CADPS2: variants seen among roughly 807,000 people sequenced by gnomAD.
CADPS2 encodes calcium-dependent secretion activator 2.
CADPS2 carries 93 observed loss-of-function variants against 172.5 expected under a neutral mutation model. The ratio of observed to expected loss-of-function variants is 0.54; its 90% CI spans 0.46 to 0.64. The LOEUF (loss-of-function observed/expected upper bound fraction) is 0.64, where lower values mean the gene tolerates loss of function less well. Ranked by LOEUF, CADPS2 falls within the 30% of genes least tolerant of loss-of-function variation. The probability of loss-of-function intolerance (pLI) is 0.00; values close to 1 mark genes in which losing one functional copy is unlikely to be tolerated. For synonymous variants in CADPS2, 546 were observed against 555.2 expected, an observed-to-expected ratio of 0.98 and a Z score of 0.23; for missense variants, 1,420 against 1,565.9, an observed-to-expected ratio of 0.91 and a Z score of 1.57.
At chr7:122,823,298 G>C (rs796937297) in intron 1 of CADPS2, among the ~76,000 whole-genome samples, 1 of 152,074 alleles carries the variant, frequency 6.6e-6, no homozygotes, top group South Asian at 2.1e-4. Context: ...TCTTCCTTTT[G>C]CCTTGGTTTC....
chr7:122,719,754 C>A (rs914440150), intron 2 of CADPS2, among the ~76,000 whole-genome samples: 3 of 151,864 alleles, frequency 2.0e-5, no homozygotes, highest in African/African-American at 7.2e-5. Flanking sequence ...AAGCTAAAAT[C>A]TCAGCAGTAT....
Position 122,615,297 on chromosome 7 carries a change from A to G in CADPS2, c.1107T>C (p.Ile369=). Residue 369 remains isoleucine (I), a splice_region_variant and synonymous_variant, in exon 6 of 30, where the codon ATT becomes ATC. Coordinates refer to ENST00000449022, the MANE Select transcript of CADPS2 (RefSeq NM_017954.11). The part of the protein sequence containing the change: ...SDVVLSFTLE[I]VIMEVQGLKS... ...TCAGGCCTTGCACTTCCATTATGACAATCTAAAGATAAAATGATTTTAAAA... is the reference window on the plus strand; with the variant it reads ...TCAGGCCTTGCACTTCCATTATGACGATCTAAAGATAAAATGATTTTAAAA... 6.6e-7 allele frequency: 1 copy of G among 1,522,956 alleles called. No individual in the cohort carries two copies. Among genetic ancestry groups the G allele is most frequent in the Non-Finnish European group, 8.9e-7 (1 of 1,123,446 alleles). The allele number at this position is 1,522,956 out of a possible 1,614,324, so 94.3% of individuals were successfully genotyped here.
At position 122,643,477 on chromosome 7, in the gene CADPS2, A is replaced by G. The variant is rs533044679; in HGVS notation, c.787-14149T>C. ...TGCAGTAATTTCTCAATGCAATGTC[A>G]TACATCAGAACACAGCTGGGCCTCT... On this transcript the variant is annotated intron_variant, in intron 3 of 29. Transcript: ENST00000449022. Among the ~76,000 whole-genome samples, 25 of 152,278 alleles carry G rather than the reference A, an allele frequency of 1.6e-4. No homozygotes were observed. The South Asian group carries it at 5.2e-3, about 32-fold the overall frequency.
chr7:122,368,990 C>T (rs898659403), intron 25 of CADPS2, among the ~76,000 whole-genome samples: 6 of 152,054 alleles, frequency 3.9e-5, no homozygotes, highest in African/African-American at 4.8e-5. Context: ...TCCCACACTT[C>T]GGTTGGTTTA....
chr7:122,356,072 C>T (rs2039361246), intron 27 of CADPS2, among the ~76,000 whole-genome samples: 1 of 152,078 alleles, frequency 6.6e-6, no homozygotes, highest in Non-Finnish European at 1.5e-5. Context: ...TATATTGACA[C>T]AATATTATTA....
rs137904021 is a variant in CADPS2, at chr7:122,410,960, T to A, written c.2589+3108A>T. Among the ~76,000 whole-genome samples, 199 of 152,272 alleles carry A rather than the reference T, an allele frequency of 1.3e-3. 2 individuals carry two copies. In the East Asian group the frequency reaches 0.031, roughly 24 times the overall value. ...GTTAGCAAACAGAGATTAAATAACT[T>A]GCCCAAAGTCATACAGTTGGTAGAT... is the stretch of plus-strand genomic sequence containing the variant. On this transcript the variant is annotated intron_variant, in intron 19 of 29. Transcript: ENST00000449022.
chr7:122,508,428 GTTAT>G (rs1371127638), intron 9 of CADPS2, among the ~76,000 whole-genome samples: 2 of 111,590 alleles, frequency 1.8e-5, no homozygotes, highest in Admixed American at 9.4e-5. Context: ...ATAGAATCCA[GTTAT>G]TTATTTATTC....
intron 5 of CADPS2, among the ~76,000 whole-genome samples, chr7:122,616,462 A>C (rs1034453668): frequency 1.3e-5 from 2 of 152,122 alleles, no homozygotes; most frequent in South Asian, 2.1e-4. Context: ...CATGTTTGTA[A>C]ATATGAATGT....
rs112795995 is a variant in CADPS2, at chr7:122,580,674, T to C, written c.1335+505A>G. On this transcript the variant is annotated intron_variant, in intron 7 of 29. Transcript: ENST00000449022. ...TATTCTAGGTATGAAGAGGTGACTA[T>C]AGGAAAAGAATAATGTTAAAAGGTG... is the stretch of plus-strand genomic sequence containing the variant. 4.5e-3 allele frequency among the ~76,000 whole-genome samples: 682 copies of C among 152,092 alleles called. 7 individuals are homozygous for C. The highest frequency in any genetic ancestry group is 0.016 in the African/African-American group (650 of 41,494).
At chr7:122,794,490 A>G (rs62483614) in intron 1 of CADPS2, among the ~76,000 whole-genome samples, 29,665 of 151,888 alleles carry the variant, frequency 0.2, 3,004 homozygotes, top group Middle Eastern at 0.29. Flanking sequence ...TATTTTGTCT[A>G]TCAGACTTCA....
At chr7:122,867,712 A>C (rs1818671010) in intron 1 of CADPS2, among the ~76,000 whole-genome samples, 1 of 152,138 alleles carries the variant, frequency 6.6e-6, no homozygotes, top group African/African-American at 2.4e-5. Flanking sequence ...ATAAAGAATA[A>C]ACTTATCTGA....
At chr7:122,543,286 T>C (rs569951853) in intron 8 of CADPS2, among the ~76,000 whole-genome samples, 7 of 152,272 alleles carry the variant, frequency 4.6e-5, no homozygotes, top group African/African-American at 1.7e-4. Flanking sequence ...TTTTACAGTT[T>C]TAAAAATTTT....
At chr7:122,679,277 G>GGGGGGGGGGCC (rs869229827) in intron 2 of CADPS2, among the ~76,000 whole-genome samples, 1 of 104,534 alleles carries the variant, frequency 9.6e-6, no homozygotes, top group African/African-American at 3.2e-5. Context: ...GGGGGGGGGG[G>GGGGGGGGGGCC]CTCTAAAATG....
intron 1 of CADPS2, among the ~76,000 whole-genome samples, chr7:122,876,202 C>A (rs1203062365): frequency 6.6e-6 from 1 of 152,086 alleles, no homozygotes; most frequent in East Asian, 1.9e-4. Context: ...CACCTGTAAT[C>A]CCAGCTACTT....
intron 7 of CADPS2, among the ~76,000 whole-genome samples, chr7:122,572,823 T>C (rs1389732981): frequency 6.6e-6 from 1 of 152,164 alleles, no homozygotes; most frequent in African/African-American, 2.4e-5. Flanking sequence ...AATTGTTTCC[T>C]GAGAAAAAAT....
At chr7:122,613,556 T>G (rs2074540740) in intron 6 of CADPS2, among the ~76,000 whole-genome samples, 2 of 152,168 alleles carry the variant, frequency 1.3e-5, no homozygotes, top group African/African-American at 2.4e-5. Context: ...AAGTAACACA[T>G]GACTGTATAT....
rs567313394 is a variant in CADPS2 at position 122,816,881 on chromosome 7, A to ATGGCCGAT, written c.339+69110_339+69117dup. On this transcript the variant is annotated intron_variant, in intron 1 of 29. Coordinates refer to ENST00000449022, the MANE Select transcript of CADPS2 (RefSeq NM_017954.11). Reference sequence around the variant, plus strand: ...ACATTCCACCACAAAAGAAGTGTAAATGGCCGATCCTTGCCTTAAATGATG... The same window carrying ATGGCCGAT: ...ACATTCCACCACAAAAGAAGTGTAAATGGCCGATTGGCCGATCCTTGCCTTAAATGATG... 3.3e-3 allele frequency among the ~76,000 whole-genome samples: 508 copies of ATGGCCGAT among 151,856 alleles called. 4 individuals carry two copies. Among genetic ancestry groups the ATGGCCGAT allele is most frequent in the Non-Finnish European group, 5.0e-3 (342 of 68,022 alleles).
In CADPS2 at chr7:122,393,225, A is replaced by G. The variant is rs374265963; in HGVS notation, c.2979T>C (p.Ala993=). The G allele has an allele frequency of 1.7e-5, 27 of 1,613,756 alleles. No individual in the cohort carries two copies. The African/African-American group carries it at 2.8e-4, about 17-fold the overall frequency. The part of the protein sequence containing the change: ...NLPQIPNIST[A]SWMPSLYEST... ...ACTCATATAAAGAAGGCATCCACGA[A>G]GCAGTAGAAATGTTAGGAATCTGTG... Residue 993 remains alanine (A), a synonymous_variant, in exon 22 of 30, where the codon GCT becomes GCC. Transcript: ENST00000449022.
chr7:122,854,180 C>T (rs1396872173), intron 1 of CADPS2, among the ~76,000 whole-genome samples: 1 of 151,950 alleles, frequency 6.6e-6, no homozygotes, highest in African/African-American at 2.4e-5. Flanking sequence ...GGTAACGTGG[C>T]GAAACCTGGT....
Sources: allele counts gnomAD v4.1 joint callset (sites outside exome capture counted in the v4.1 genomes callset), GRCh38; gene constraint gnomAD v4.1.1; transcripts MANE v1.5; gene names NCBI Gene and HGNC (gene_info 2026-07-23, HGNC 2026-07-21).